Variants in MGAT4C observed in about 807,000 individuals in gnomAD.
MGAT4C encodes MGAT4 family member C, also known as alpha-1,3-mannosyl-glycoprotein 4-beta-N-acetylglucosaminyltransferase C.
Under a neutral mutation model 40.1 loss-of-function variants are expected in MGAT4C, and 19 were observed. That is an observed-to-expected ratio of 0.47 (90% CI 0.33 to 0.70). The LOEUF (loss-of-function observed/expected upper bound fraction) is 0.70. Among genes scored for constraint, MGAT4C ranks in the 30% least tolerant of loss-of-function variants. The probability of loss-of-function intolerance (pLI) is 0.02; values close to 1 mark genes in which losing one functional copy is unlikely to be tolerated. For synonymous variants in MGAT4C, 181 were observed against 187.1 expected, an observed-to-expected ratio of 0.97 and a Z score of 0.27; for missense variants, 491 against 563.2, an observed-to-expected ratio of 0.87 and a Z score of 1.30.
In MGAT4C at chr12:85,969,836, T is replaced by C. The variant is rs535895683; in HGVS notation, c.*9453A>G. The C allele has an allele frequency of 6.6e-6, 1 of 151,576 alleles. No individual in the cohort carries two copies. The highest frequency in any genetic ancestry group is 2.1e-4 in the South Asian group (1 of 4,826). The allele number at this position is 151,576 out of a possible 1,614,324, so 9.4% of individuals were successfully genotyped here. ...CAAGTTAGTAAAACCCTATTTTTCA[T>C]ATGCTCTTTAGCTTTTTTAATACCT... On this transcript the variant is annotated 3_prime_UTR_variant, in exon 5 of 5. Transcript: ENST00000611864.
chr12:86,508,825 T>C (rs1262474914), intron 2 of MGAT4C, among the ~76,000 whole-genome samples: 1 of 149,364 alleles, frequency 6.7e-6, no homozygotes, highest in Non-Finnish European at 1.5e-5. Context: ...GTGAGCATTT[T>C]TTCATGTGTT....
chr12:86,070,409 A>T (rs182629965), intron 1 of MGAT4C, among the ~76,000 whole-genome samples: 1 of 152,210 alleles, frequency 6.6e-6, no homozygotes, highest in African/African-American at 2.4e-5. Context: ...GTAAATACTT[A>T]TAAAAATATT....
intron 3 of MGAT4C, among the ~76,000 whole-genome samples, chr12:86,358,528 C>T (rs1283975419): frequency 1.3e-5 from 2 of 152,164 alleles, no homozygotes; most frequent in East Asian, 3.9e-4. Flanking sequence ...AAGTCACAGA[C>T]TGGCAAACTG....
intron 1 of MGAT4C, among the ~76,000 whole-genome samples, chr12:86,165,202 T>C (rs1886053833): frequency 6.6e-6 from 1 of 152,126 alleles, no homozygotes; most frequent in African/African-American, 2.4e-5. Flanking sequence ...GATTATGGGC[T>C]GATTCATTAA....
chr12:86,580,714 C>T (rs922085907), intron 2 of MGAT4C, among the ~76,000 whole-genome samples: 4 of 151,342 alleles, frequency 2.6e-5, no homozygotes, highest in South Asian at 2.1e-4. Flanking sequence ...GCCTTATTTT[C>T]GGTATTGAAT....
chr12:86,527,857 C>G (rs979552626), intron 2 of MGAT4C, among the ~76,000 whole-genome samples: 1 of 152,064 alleles, frequency 6.6e-6, no homozygotes, highest in East Asian at 1.9e-4. Context: ...CATGTTCTCA[C>G]TCATATGTGG....
chr12:86,127,031 G>T (rs980302631), intron 1 of MGAT4C, among the ~76,000 whole-genome samples: 2 of 152,212 alleles, frequency 1.3e-5, no homozygotes, highest in African/African-American at 4.8e-5. Context: ...ACTCCTGTGA[G>T]AATCTAATGC....
At chr12:86,002,955 C>T (rs530672194) in intron 2 of MGAT4C, among the ~76,000 whole-genome samples, 2 of 152,102 alleles carry the variant, frequency 1.3e-5, no homozygotes, top group East Asian at 3.9e-4. Context: ...CGTCCGCAAT[C>T]ATGCCCAGCT....
At chr12:86,030,681 T>A (rs1355901737) in intron 2 of MGAT4C, among the ~76,000 whole-genome samples, 1 of 151,792 alleles carries the variant, frequency 6.6e-6, no homozygotes, top group Non-Finnish European at 1.5e-5. Flanking sequence ...GAAGGAATTG[T>A]TTATCATTTA....
intron 3 of MGAT4C, among the ~76,000 whole-genome samples, chr12:86,343,513 T>C (rs1400169517): frequency 6.6e-6 from 1 of 152,218 alleles, no homozygotes; most frequent in Non-Finnish European, 1.5e-5. Flanking sequence ...TTTTATTGTA[T>C]ATTTTCCTTT....
chr12:86,778,214 A>G (rs1951776452), intron 1 of MGAT4C, among the ~76,000 whole-genome samples: 1 of 152,312 alleles, frequency 6.6e-6, no homozygotes, highest in African/African-American at 2.4e-5. Flanking sequence ...AGAGGTCCTA[A>G]TACTGAAAAG....
At chr12:86,337,947 C>G (rs1243761104) in intron 3 of MGAT4C, among the ~76,000 whole-genome samples, 2 of 152,062 alleles carry the variant, frequency 1.3e-5, no homozygotes, top group African/African-American at 2.4e-5. Flanking sequence ...TGGATGACAT[C>G]TTCAAAATAT....
intron 2 of MGAT4C, among the ~76,000 whole-genome samples, chr12:86,671,242 A>T (rs1964249064): frequency 6.6e-6 from 1 of 152,186 alleles, no homozygotes; most frequent in African/African-American, 2.4e-5. Context: ...TTTATACTCT[A>T]TTTTCACATT....
intron 2 of MGAT4C, among the ~76,000 whole-genome samples, chr12:86,623,634 A>G (rs1962709269): frequency 6.6e-6 from 1 of 152,184 alleles, no homozygotes; most frequent in Non-Finnish European, 1.5e-5. Context: ...ACATATGGAC[A>G]TAAATGCTTC....
intron 1 of MGAT4C, among the ~76,000 whole-genome samples, chr12:86,757,691 G>T (rs1951329823): frequency 6.6e-6 from 1 of 152,018 alleles, no homozygotes; most frequent in Admixed American, 6.6e-5. Flanking sequence ...AATGTAAAGG[G>T]TTGTCACAAT....
intron 2 of MGAT4C, among the ~76,000 whole-genome samples, chr12:86,665,256 T>G (rs1217083631): frequency 6.6e-6 from 1 of 152,194 alleles, no homozygotes; most frequent in East Asian, 1.9e-4. Context: ...TGGAAAACAT[T>G]AATGGGTTTG....
chr12:86,300,887 A>G (rs1393568238), intron 4 of MGAT4C, among the ~76,000 whole-genome samples: 2 of 152,134 alleles, frequency 1.3e-5, no homozygotes. Flanking sequence ...AGTATTTATA[A>G]GTCATTTGTT....
chr12:86,829,497 T>C (rs1952876319), intron 1 of MGAT4C, among the ~76,000 whole-genome samples: 1 of 151,530 alleles, frequency 6.6e-6, no homozygotes, highest in African/African-American at 2.4e-5. Context: ...AAATTTAAGG[T>C]CCAATATATA....
chr12:86,670,994 T>G (rs1414924438), intron 2 of MGAT4C, among the ~76,000 whole-genome samples: 1 of 152,246 alleles, frequency 6.6e-6, no homozygotes, highest in Non-Finnish European at 1.5e-5. Context: ...AAAGACTTCA[T>G]TCTATTTATA....
Sources: allele counts gnomAD v4.1 joint callset (sites outside exome capture counted in the v4.1 genomes callset), GRCh38; gene constraint gnomAD v4.1.1; transcripts MANE v1.5; gene names NCBI Gene and HGNC (gene_info 2026-07-23, HGNC 2026-07-21).